CCDC6: variants seen among roughly 807,000 people sequenced by gnomAD.
The protein encoded by CCDC6 is coiled-coil domain containing 6.
CCDC6 carries 20 observed loss-of-function variants against 56.6 expected under a neutral mutation model. The ratio of observed to expected loss-of-function variants is 0.35; its 90% CI spans 0.25 to 0.51. The LOEUF (loss-of-function observed/expected upper bound fraction) is 0.51, where lower values mean the gene tolerates loss of function less well. Ranked by LOEUF, CCDC6 falls within the 20% of genes least tolerant of loss-of-function variation. CCDC6 has a pLI of 0.95. For missense variants in CCDC6, 367 were observed against 601.1 expected (o/e 0.61, Z 4.07); for synonymous variants, 241 against 234.4 (o/e 1.03, Z -0.26).
Position 59,906,302 on chromosome 10 carries a change from G to C in CCDC6, c.123C>G (p.Gly41=). The C allele has an allele frequency of 6.2e-7, 1 of 1,601,690 alleles. No homozygotes were observed. The highest frequency in any genetic ancestry group is 8.5e-7 in the Non-Finnish European group (1 of 1,178,716). ...CAATGCCCCCCGACTTCCCACCGCC[G>C]CCGCCTCCCCCGCCGCCACCGCCGC... The part of the protein sequence containing the change: ...SGGGGGGGGG[G]GGGKSGGIVI... Residue 41 remains glycine (G), a synonymous_variant, in exon 1 of 9, where the codon GGC becomes GGG. Transcript: ENST00000263102.
intron 1 of CCDC6, among the ~76,000 whole-genome samples, chr10:59,893,704 C>A (rs1386402450): frequency 6.6e-6 from 1 of 151,134 alleles, no homozygotes; most frequent in South Asian, 2.1e-4. Flanking sequence ...CATTCAAAGT[C>A]TGTATACTTT....
intron 3 of CCDC6, among the ~76,000 whole-genome samples, chr10:59,827,278 C>T (rs1366690631): frequency 6.6e-6 from 1 of 152,112 alleles, no homozygotes; most frequent in African/African-American, 2.4e-5. Context: ...ATTTTAATAA[C>T]AATGAAATAT....
At chr10:59,841,745 G>A (rs904671650) in intron 2 of CCDC6, among the ~76,000 whole-genome samples, 1 of 151,382 alleles carries the variant, frequency 6.6e-6, no homozygotes, top group Admixed American at 6.6e-5. Flanking sequence ...TCGGCTCACT[G>A]CAAGCTCTGC....
chr10:59,826,462 G>C (rs954065024), intron 3 of CCDC6, among the ~76,000 whole-genome samples: 1 of 152,146 alleles, frequency 6.6e-6, no homozygotes, highest in African/African-American at 2.4e-5. Context: ...CTGCTGGCTA[G>C]GGGGCTGCTG....
At position 59,789,594 on chromosome 10, in the gene CCDC6, G is replaced by A; in HGVS notation, c.*3323C>T. 1 of 230,988 alleles carries A rather than the reference G, an allele frequency of 4.3e-6. No individual in the cohort carries two copies. Among genetic ancestry groups the A allele is most frequent in the East Asian group, 6.2e-5 (1 of 16,226 alleles). The allele number at this position is 230,988 out of a possible 1,614,324, so 14.3% of individuals were successfully genotyped here. ...CTCTTTAACAATTTGGAAATAAAAG[G>A]TTGTTTTACTATGTATTTCTTTGGT... is the stretch of plus-strand genomic sequence containing the variant. On this transcript the variant is annotated 3_prime_UTR_variant, in exon 9 of 9. Coordinates refer to ENST00000263102, the MANE Select transcript of CCDC6 (RefSeq NM_005436.5).
In CCDC6 at chr10:59,810,680, TTATA is replaced by T. The variant is rs530035041; in HGVS notation, c.847+1951_847+1954del. On this transcript the variant is annotated intron_variant, in intron 5 of 8. Transcript: ENST00000263102. Reference sequence around the variant, plus strand: ...AACCTGAGGTCCACATCAGGATTACTTATATATATATTTTTTTAATATGCTCCTT... The same window carrying T: ...AACCTGAGGTCCACATCAGGATTACTTATATATTTTTTTAATATGCTCCTT... Among the ~76,000 whole-genome samples the T allele has an allele frequency of 1.5e-3, 222 of 152,284 alleles. 2 individuals are homozygous for T. The highest frequency in any genetic ancestry group is 5.0e-3 in the African/African-American group (206 of 41,554).
intron 7 of CCDC6, among the ~76,000 whole-genome samples, chr10:59,794,808 C>T (rs187767421): frequency 3.3e-5 from 5 of 152,054 alleles, no homozygotes; most frequent in Admixed American, 6.6e-5. Flanking sequence ...TAAACTCACA[C>T]GTATATGGTC....
intron 1 of CCDC6, among the ~76,000 whole-genome samples, chr10:59,883,975 TGAGA>T (rs367629413): frequency 7.2e-5 from 11 of 152,294 alleles, no homozygotes; most frequent in African/African-American, 2.4e-4. Flanking sequence ...TTATGTGACT[TGAGA>T]GAGTGACCCA....
intron 1 of CCDC6, among the ~76,000 whole-genome samples, chr10:59,853,757 G>A (rs2071058132): frequency 6.6e-6 from 1 of 152,098 alleles, no homozygotes; most frequent in Non-Finnish European, 1.5e-5. Flanking sequence ...TGAAGTCAAC[G>A]AGAGAGATTA....
chr10:59,805,142 A>C (rs1448137189), intron 6 of CCDC6: 1 of 152,756 alleles, frequency 6.5e-6, no homozygotes, highest in Non-Finnish European at 1.5e-5. Context: ...GAAAATGCTG[A>C]AGTGTGATCA....
intron 5 of CCDC6, among the ~76,000 whole-genome samples, chr10:59,810,789 C>T (rs964703808): frequency 5.3e-5 from 8 of 152,046 alleles, no homozygotes; most frequent in African/African-American, 1.9e-4. Context: ...TGCTAATCCC[C>T]AAAACCTATA....
At chr10:59,884,683 A>C (rs1208934021) in intron 1 of CCDC6, among the ~76,000 whole-genome samples, 5 of 152,212 alleles carry the variant, frequency 3.3e-5, no homozygotes. Flanking sequence ...CAGCATGTAC[A>C]ATGTGCTCCC....
At chr10:59,873,096 T>C (rs1664260) in intron 1 of CCDC6, among the ~76,000 whole-genome samples, 115,622 of 152,034 alleles carry the variant, frequency 0.76, 44,218 homozygotes, top group East Asian at 0.89. Context: ...GTCTGCTGTT[T>C]CAATCCTCTG....
At chr10:59,836,037 G>A (rs1221744079) in intron 2 of CCDC6, among the ~76,000 whole-genome samples, 2 of 133,824 alleles carry the variant, frequency 1.5e-5, no homozygotes, top group South Asian at 5.0e-4. Flanking sequence ...CTGGGTGACA[G>A]ACTGCGACCC....
At chr10:59,906,060 G>A (rs1308672984) in intron 1 of CCDC6, 62 bp downstream of exon 1, 3 of 1,420,098 alleles carry the variant, frequency 2.1e-6, no homozygotes, top group African/African-American at 2.9e-5. Flanking sequence ...CTGGATTCGG[G>A]TGCAGCCCCT....
At chr10:59,884,317 G>A (rs1357950222) in intron 1 of CCDC6, among the ~76,000 whole-genome samples, 9 of 152,160 alleles carry the variant, frequency 5.9e-5, no homozygotes, top group Admixed American at 3.9e-4. Context: ...ATTTCAGGTC[G>A]AGACAGCGAC....
At chr10:59,906,038 C>G in intron 1 of CCDC6, 84 bp downstream of exon 1, 1 of 1,212,568 alleles carries the variant, frequency 8.2e-7, no homozygotes, top group Non-Finnish European at 1.2e-6. Flanking sequence ...CTGGGGAAGA[C>G]TTGGGGGGTG....
intron 1 of CCDC6, among the ~76,000 whole-genome samples, chr10:59,874,030 A>C (rs1213825439): frequency 6.6e-6 from 1 of 152,066 alleles, no homozygotes; most frequent in Non-Finnish European, 1.5e-5. Flanking sequence ...AAGATCTATG[A>C]CATCTAATAC....
At chr10:59,819,583 G>C (rs1402431088) in intron 3 of CCDC6, among the ~76,000 whole-genome samples, 2 of 152,094 alleles carry the variant, frequency 1.3e-5, no homozygotes, top group African/African-American at 4.8e-5. Flanking sequence ...CACTGTCCTG[G>C]TCATTGCACA....
Sources: gnomAD v4.1 joint callset for allele counts (sites outside exome capture counted in the v4.1 genomes callset) on GRCh38, gnomAD v4.1.1 for gene constraint, MANE v1.5 for transcripts, NCBI Gene and HGNC (gene_info 2026-07-23, HGNC 2026-07-21) for gene names.